The following IGSF10 variants were observed in gnomAD, a reference collection of about 807,000 sequenced individuals.
The protein encoded by IGSF10 is calvaria mechanical force protein 608.
In IGSF10, 126 loss-of-function variants were observed where a neutral mutation model predicts 128.2. The ratio of observed to expected loss-of-function variants is 0.98; its 90% CI spans 0.85 to 1.14. IGSF10 has a LOEUF of 1.14. IGSF10 is among the 50% of genes most tolerant of loss of function. The pLI, the probability that IGSF10 is intolerant of heterozygous loss-of-function variation, is 0.00. For missense variants in IGSF10, 3,295 were observed against 3,149.8 expected (o/e 1.05, Z -1.10); for synonymous variants, 1,185 against 1,146.2 (o/e 1.03, Z -0.68).
chr3:151,619,492 T>C, the IGSF10 span, among the ~76,000 whole-genome samples: 1 of 151,282 alleles, frequency 6.6e-6, no homozygotes, highest in Non-Finnish European at 1.5e-5. Flanking sequence ...GAAAAACAAA[T>C]TTGTGGTAAT....
the IGSF10 span, among the ~76,000 whole-genome samples, chr3:151,601,558 T>C: frequency 6.6e-6 from 1 of 152,240 alleles, no homozygotes; most frequent in East Asian, 1.9e-4. Context: ...AGACATATGC[T>C]TGATGACTAG....
intron 4 of IGSF10, among the ~76,000 whole-genome samples, chr3:151,455,414 A>G (rs577167669): frequency 3.4e-4 from 52 of 152,154 alleles, no homozygotes; most frequent in African/African-American, 1.1e-3. Flanking sequence ...CGCCCGGCCT[A>G]AAGTTTCTAA....
the IGSF10 span, among the ~76,000 whole-genome samples, chr3:151,543,494 G>A: frequency 6.6e-6 from 1 of 152,264 alleles, no homozygotes; most frequent in South Asian, 2.1e-4. Context: ...CACGAGCAGT[G>A]TTGTGCCATG....
the IGSF10 span, among the ~76,000 whole-genome samples, chr3:151,529,399 A>G: frequency 2.0e-5 from 3 of 152,270 alleles, no homozygotes; most frequent in Admixed American, 1.3e-4. Flanking sequence ...TGACCCCTGT[A>G]TATCTTGACT....
the IGSF10 span, among the ~76,000 whole-genome samples, chr3:151,474,390 T>C: frequency 2.6e-5 from 4 of 152,346 alleles, no homozygotes; most frequent in African/African-American, 9.6e-5. Context: ...GGTTTGCACA[T>C]AATCCTAAGT....
At chr3:151,460,218 G>A (rs765618141) in intron 2 of IGSF10, 43 bp downstream of exon 2, 12 of 566,780 alleles carry the variant, frequency 2.1e-5, no homozygotes, top group East Asian at 1.4e-4. Context: ...TCTCACAAAC[G>A]TAAGGCTGAA....
the IGSF10 span, among the ~76,000 whole-genome samples, chr3:151,609,777 G>A: frequency 6.6e-6 from 1 of 152,136 alleles, no homozygotes; most frequent in Non-Finnish European, 1.5e-5. Flanking sequence ...TTATAAGTGG[G>A]AGCAAAACAT....
At chr3:151,584,734 C>A in the IGSF10 span, among the ~76,000 whole-genome samples, 1 of 152,194 alleles carries the variant, frequency 6.6e-6, no homozygotes, top group South Asian at 2.1e-4. Flanking sequence ...GTCAGTCCAA[C>A]ATTTTGACAA....
At chr3:151,450,799 G>A (rs1721473540) in intron 5 of IGSF10, among the ~76,000 whole-genome samples, 1 of 149,134 alleles carries the variant, frequency 6.7e-6, no homozygotes. Flanking sequence ...GGGAGGCTGA[G>A]GTAGGAGAAT....
At chr3:151,471,276 A>G in the IGSF10 span, among the ~76,000 whole-genome samples, 9 of 152,200 alleles carry the variant, frequency 5.9e-5, no homozygotes, top group African/African-American at 2.2e-4. Flanking sequence ...TTTCCTTCAT[A>G]AATGGCCCAG....
At chr3:151,580,300 T>C in the IGSF10 span, among the ~76,000 whole-genome samples, 1 of 152,130 alleles carries the variant, frequency 6.6e-6, no homozygotes, top group Non-Finnish European at 1.5e-5. Flanking sequence ...GAGAATTTAT[T>C]ATCAGCCAAC....
In IGSF10 at chr3:151,453,375, T is replaced by C. The variant is rs1022990194; in HGVS notation, c.715+9A>G. 6.4e-7 allele frequency: 1 copy of C among 1,564,762 alleles called. No homozygotes were observed. Among genetic ancestry groups the C allele is most frequent in the Non-Finnish European group, 8.6e-7 (1 of 1,162,204 alleles). On this transcript the variant is annotated intron_variant, in intron 5 of 7. Transcript: ENST00000282466. Reference sequence around the variant, plus strand: ...TTAATTGGGACAAAAAAATAAACAATATAGATACCTGGCTTCTCCTGTATC... The same window carrying C: ...TTAATTGGGACAAAAAAATAAACAACATAGATACCTGGCTTCTCCTGTATC...
chr3:151,598,802 G>T, the IGSF10 span, among the ~76,000 whole-genome samples: 3 of 152,240 alleles, frequency 2.0e-5, 1 homozygote, highest in South Asian at 6.2e-4. Context: ...TTGGGACATT[G>T]TTAATACCAT....
chr3:151,574,135 T>C, the IGSF10 span, among the ~76,000 whole-genome samples: 1 of 152,216 alleles, frequency 6.6e-6, no homozygotes, highest in African/African-American at 2.4e-5. Context: ...CCTTTCTCTC[T>C]GGCTGCCCTT....
chr3:151,519,296 T>G, the IGSF10 span, among the ~76,000 whole-genome samples: 2 of 151,904 alleles, frequency 1.3e-5, no homozygotes, highest in African/African-American at 4.8e-5. Context: ...TAATGAAGCT[T>G]AAGTTTTAGG....
the IGSF10 span, among the ~76,000 whole-genome samples, chr3:151,543,781 T>C: frequency 3.9e-5 from 6 of 152,238 alleles, no homozygotes; most frequent in Admixed American, 3.9e-4. Flanking sequence ...GGCCTGGATA[T>C]CTGCCTTGGC....
chr3:151,604,557 A>T, the IGSF10 span, among the ~76,000 whole-genome samples: 9 of 151,224 alleles, frequency 6.0e-5, no homozygotes, highest in Non-Finnish European at 1.3e-4. Context: ...ATGTTGGGAG[A>T]TATATTAGGA....
the IGSF10 span, among the ~76,000 whole-genome samples, chr3:151,593,392 A>G: frequency 2.8e-3 from 433 of 152,278 alleles, 2 homozygotes; most frequent in African/African-American, 1.0e-2. Flanking sequence ...GATTACAGGC[A>G]TAAGCCACCA....
At chr3:151,488,173 T>C in the IGSF10 span, among the ~76,000 whole-genome samples, 1 of 152,008 alleles carries the variant, frequency 6.6e-6, no homozygotes, top group East Asian at 1.9e-4. Context: ...CAAGCATTCC[T>C]ATACATCAAT....
Sources: gnomAD v4.1 joint callset for allele counts (sites outside exome capture counted in the v4.1 genomes callset) on GRCh38, gnomAD v4.1.1 for gene constraint, MANE v1.5 for transcripts, NCBI Gene and HGNC (gene_info 2026-07-23, HGNC 2026-07-21) for gene names.